STXBP5L: variants seen among roughly 807,000 people sequenced by gnomAD.
STXBP5L encodes syntaxin-binding protein 5-like.
A neutral mutation model predicts 144.5 loss-of-function variants in STXBP5L; 65 were observed. The ratio of observed to expected loss-of-function variants is 0.45; its 90% CI spans 0.37 to 0.55. The LOEUF (loss-of-function observed/expected upper bound fraction) is 0.55, where lower values mean the gene tolerates loss of function less well. Ranked by LOEUF, STXBP5L falls within the 20% of genes least tolerant of loss-of-function variation. STXBP5L has a pLI of 0.00. For missense variants in STXBP5L, 1,298 were observed against 1,405.5 expected (o/e 0.92, Z 1.22); for synonymous variants, 505 against 469.6 (o/e 1.08, Z -0.97).
rs1417298972 is a variant in STXBP5L at position 121,123,585 on chromosome 3, G to A, written c.669+1881G>A. 2.6e-5 allele frequency among the ~76,000 whole-genome samples: 4 copies of A among 151,306 alleles called. No homozygotes were observed. In the South Asian group the frequency reaches 6.2e-4, roughly 24 times the overall value. On this transcript the variant is annotated intron_variant, in intron 7 of 26. Coordinates refer to ENST00000471454, the MANE Select transcript of STXBP5L (RefSeq NM_001308330.2). ...GCCTAAGAAAAAAAAAAGCCTGAAA[G>A]AATATAGACAAATCTGGGAGAACAC...
chr3:121,292,934 C>T (rs990214949), intron 19 of STXBP5L, among the ~76,000 whole-genome samples: 2 of 152,126 alleles, frequency 1.3e-5, no homozygotes, highest in Non-Finnish European at 2.9e-5. Context: ...GGGTACAGTG[C>T]ACACTGCTTG....
At chr3:121,193,004 G>A (rs1323295250) in intron 9 of STXBP5L, among the ~76,000 whole-genome samples, 9 of 144,840 alleles carry the variant, frequency 6.2e-5, no homozygotes, top group Non-Finnish European at 1.1e-4. Context: ...CTTCTGCACA[G>A]CAAAAGAAAC....
At chr3:121,307,126 T>C (rs898120863) in intron 19 of STXBP5L, among the ~76,000 whole-genome samples, 11 of 151,906 alleles carry the variant, frequency 7.2e-5, no homozygotes, top group African/African-American at 2.4e-4. Context: ...CTCATGAAAA[T>C]AGTCTAGCCG....
chr3:120,938,136 A>G (rs976160950), intron 2 of STXBP5L, among the ~76,000 whole-genome samples: 1 of 152,048 alleles, frequency 6.6e-6, no homozygotes, highest in African/African-American at 2.4e-5. Context: ...CAGTATTTAT[A>G]TGTGATGTTT....
chr3:121,188,188 A>G (rs1482410206), intron 9 of STXBP5L, among the ~76,000 whole-genome samples: 1 of 152,160 alleles, frequency 6.6e-6, no homozygotes, highest in African/African-American at 2.4e-5. Flanking sequence ...AAGTGGACCT[A>G]ATAGACATCT....
chr3:120,923,167 G>A (rs368591542), intron 2 of STXBP5L, among the ~76,000 whole-genome samples: 31 of 151,644 alleles, frequency 2.0e-4, no homozygotes, highest in African/African-American at 7.0e-4. Flanking sequence ...ATAATTCCTC[G>A]CATTTCTGTG....
intron 20 of STXBP5L, among the ~76,000 whole-genome samples, chr3:121,338,592 C>CAAAA (rs112967595): frequency 2.0e-5 from 2 of 101,598 alleles, no homozygotes; most frequent in African/African-American, 3.7e-5. Flanking sequence ...GCATTTCTGT[C>CAAAA]AAAAAAAAAA....
chr3:121,338,219 A>C (rs1455351328), intron 20 of STXBP5L, among the ~76,000 whole-genome samples: 1 of 152,140 alleles, frequency 6.6e-6, no homozygotes, highest in Non-Finnish European at 1.5e-5. Context: ...GCAGAACTAA[A>C]TGAAATTAGA....
At chr3:121,210,421 G>A (rs1352704878) in intron 10 of STXBP5L, among the ~76,000 whole-genome samples, 1 of 151,862 alleles carries the variant, frequency 6.6e-6, no homozygotes, top group African/African-American at 2.4e-5. Flanking sequence ...CTGTGCAGAA[G>A]CTCTTTAGTT....
At chr3:121,047,367 C>A (rs187029135) in intron 5 of STXBP5L, among the ~76,000 whole-genome samples, 1 of 151,996 alleles carries the variant, frequency 6.6e-6, no homozygotes, top group East Asian at 1.9e-4. Context: ...TCTAATAGTT[C>A]CATTTGGTGA....
At chr3:121,391,679 C>G (rs2046588018) in intron 22 of STXBP5L, among the ~76,000 whole-genome samples, 1 of 152,232 alleles carries the variant, frequency 6.6e-6, no homozygotes, top group Non-Finnish European at 1.5e-5. Flanking sequence ...TGGAGGCCCA[C>G]TCCAGACCCT....
intron 3 of STXBP5L, among the ~76,000 whole-genome samples, chr3:120,997,781 G>A (rs1943466442): frequency 6.6e-6 from 1 of 151,970 alleles, no homozygotes; most frequent in Non-Finnish European, 1.5e-5. Flanking sequence ...AATGAAAAAA[G>A]AAAACTTCAG....
intron 19 of STXBP5L, among the ~76,000 whole-genome samples, chr3:121,303,256 A>G (rs1353777244): frequency 6.6e-6 from 1 of 152,256 alleles, no homozygotes; most frequent in Admixed American, 6.5e-5. Flanking sequence ...ACATTTACAC[A>G]GCCAAAAGAC....
Position 121,224,610 on chromosome 3 carries a change from G to A in STXBP5L, c.1111+1453G>A, listed in dbSNP as rs965063073. The stretch of plus-strand genomic sequence containing the variant: ...TAAGTGCTGAGTTGTATGGTTCAGA[G>A]TATAAATAATGTATTAATTTTTAAG... On this transcript the variant is annotated intron_variant, in intron 11 of 26. Coordinates refer to ENST00000471454, the MANE Select transcript of STXBP5L (RefSeq NM_001308330.2). 3.3e-5 allele frequency among the ~76,000 whole-genome samples: 5 copies of A among 152,212 alleles called. No homozygotes were observed. In the South Asian group the frequency reaches 1.0e-3, roughly 32 times the overall value.
intron 3 of STXBP5L, among the ~76,000 whole-genome samples, chr3:120,957,571 G>A (rs1576484323): frequency 6.6e-6 from 1 of 151,964 alleles, no homozygotes; most frequent in African/African-American, 2.4e-5. Context: ...GAGATTGAAA[G>A]TATTCCCTGC....
At chr3:121,124,946 AGAGT>A (rs2044637169) in intron 7 of STXBP5L, among the ~76,000 whole-genome samples, 1 of 152,152 alleles carries the variant, frequency 6.6e-6, no homozygotes, top group Non-Finnish European at 1.5e-5. Flanking sequence ...CAATATTCTA[AGAGT>A]TTAAAATTAT....
At chr3:120,957,834 T>A (rs1938221108) in intron 3 of STXBP5L, among the ~76,000 whole-genome samples, 1 of 151,882 alleles carries the variant, frequency 6.6e-6, no homozygotes, top group Non-Finnish European at 1.5e-5. Context: ...TGCCTTAACA[T>A]CACAATTAAA....
intron 3 of STXBP5L, among the ~76,000 whole-genome samples, chr3:121,038,645 C>T (rs1946927518): frequency 6.6e-6 from 1 of 151,802 alleles, no homozygotes; most frequent in Non-Finnish European, 1.5e-5. Flanking sequence ...ATGTCTTCTT[C>T]ATTTTTACTG....
intron 3 of STXBP5L, among the ~76,000 whole-genome samples, chr3:121,035,946 T>G (rs1186762569): frequency 6.6e-6 from 1 of 152,206 alleles, no homozygotes; most frequent in Admixed American, 6.6e-5. Flanking sequence ...CATCTTTTGT[T>G]AAACTTATTC....
Sources: allele counts gnomAD v4.1 joint callset (sites outside exome capture counted in the v4.1 genomes callset), GRCh38; gene constraint gnomAD v4.1.1; transcripts MANE v1.5; gene names NCBI Gene and HGNC (gene_info 2026-07-23, HGNC 2026-07-21).